Variants in URI1 observed in about 807,000 individuals in gnomAD.
URI1 encodes URI1 prefoldin like chaperone.
A neutral mutation model predicts 60.2 loss-of-function variants in URI1; 39 were observed. The observed-to-expected ratio is 0.65, with a 90% confidence interval of 0.50 to 0.85. URI1 has a LOEUF of 0.85. Ranked by LOEUF, URI1 falls within the 40% of genes least tolerant of loss-of-function variation. The probability of loss-of-function intolerance (pLI) is 0.00; values close to 1 mark genes in which losing one functional copy is unlikely to be tolerated. For synonymous variants in URI1, 251 were observed against 236.8 expected (o/e 1.06, Z -0.55); for missense variants, 691 against 665.9 (o/e 1.04, Z -0.42).
intron 2 of URI1, among the ~76,000 whole-genome samples, chr19:29,982,615 ACCAGTCAGT>A (rs1413122787): frequency 2.0e-5 from 3 of 152,170 alleles, no homozygotes; most frequent in African/African-American, 7.2e-5. Flanking sequence ...TAGGCACTGT[ACCAGTCAGT>A]CCTATGGAGA....
At chr19:30,013,714 T>C (rs1193884702) in intron 10 of URI1, among the ~76,000 whole-genome samples, 2 of 152,138 alleles carry the variant, frequency 1.3e-5, no homozygotes, top group South Asian at 2.1e-4. Flanking sequence ...TTGGAAGATA[T>C]CCTTTTCAGT....
At chr19:29,949,517 G>A (rs2055150575) in intron 1 of URI1, among the ~76,000 whole-genome samples, 1 of 152,252 alleles carries the variant, frequency 6.6e-6, no homozygotes, top group African/African-American at 2.4e-5. Context: ...TGGTGGCTGG[G>A]CAGAGGCTGC....
intron 4 of URI1, among the ~76,000 whole-genome samples, chr19:30,001,847 T>G (rs2055882629): frequency 2.0e-5 from 3 of 152,032 alleles, no homozygotes; most frequent in Non-Finnish European, 4.4e-5. Context: ...TAAAAATTTC[T>G]TAGTTGTTAC....
At chr19:29,934,767 G>C (rs1294079455) in intron 1 of URI1, among the ~76,000 whole-genome samples, 2 of 151,060 alleles carry the variant, frequency 1.3e-5, no homozygotes, top group Non-Finnish European at 2.9e-5. Flanking sequence ...ATGTTGCTCA[G>C]GATAGTCTTG....
At chr19:29,969,185 G>T (rs969013082) in intron 1 of URI1, among the ~76,000 whole-genome samples, 19 of 152,142 alleles carry the variant, frequency 1.2e-4, no homozygotes, top group African/African-American at 4.6e-4. Context: ...ACTTTAAAAT[G>T]TAAGGCAGCA....
intron 1 of URI1, among the ~76,000 whole-genome samples, chr19:29,944,868 T>C (rs1167996856): frequency 6.6e-6 from 1 of 152,200 alleles, no homozygotes; most frequent in Non-Finnish European, 1.5e-5. Context: ...AATTATAGTG[T>C]AGTACAGGAA....
Position 30,001,518 on chromosome 19 carries a change from C to G in URI1, c.368-3843C>G, listed in dbSNP as rs190463192. Reference sequence around the variant, plus strand: ...TTCCCTACCATCTCTACAAACCACTCTAAGCTGTGAATCTTTTGTTTAAGC... The same window carrying G: ...TTCCCTACCATCTCTACAAACCACTGTAAGCTGTGAATCTTTTGTTTAAGC... On this transcript the variant is annotated intron_variant, in intron 4 of 10. Transcript: ENST00000392271. 1.2e-3 allele frequency among the ~76,000 whole-genome samples: 182 copies of G among 151,938 alleles called. 5 individuals are homozygous for G. The highest frequency in any genetic ancestry group is 0.012 in the Admixed American group (180 of 15,234).
intron 4 of URI1, among the ~76,000 whole-genome samples, chr19:29,989,769 GT>G (rs35380622): frequency 0.91 from 134,731 of 147,752 alleles, 61,470 homozygotes; most frequent in South Asian, 0.93. Flanking sequence ...CGTTTTGAGA[GT>G]TTTTTTTTTT....
At chr19:29,989,930 G>A (rs1003493735) in intron 4 of URI1, among the ~76,000 whole-genome samples, 6 of 152,042 alleles carry the variant, frequency 3.9e-5, no homozygotes, top group Admixed American at 3.9e-4. Flanking sequence ...TGGATCATAT[G>A]TGTGGTGTCA....
At chr19:29,939,208 C>T (rs569034769), upstream of URI1, among the ~76,000 whole-genome samples, 4 of 151,302 alleles carry the variant, frequency 2.6e-5, no homozygotes, top group East Asian at 5.8e-4. Flanking sequence ...AACTCCCGAC[C>T]TGAGGTGATT....
intron 4 of URI1, among the ~76,000 whole-genome samples, chr19:29,996,468 A>G (rs894887970): frequency 3.4e-5 from 5 of 147,666 alleles, no homozygotes; most frequent in Admixed American, 6.8e-5. Context: ...TATTAGCTTT[A>G]CAAGGGTGTT....
At chr19:30,003,715 A>G (rs576063883) in intron 4 of URI1, among the ~76,000 whole-genome samples, 1 of 152,156 alleles carries the variant, frequency 6.6e-6, no homozygotes, top group South Asian at 2.1e-4. Flanking sequence ...TGACAACCCA[A>G]GGCTTTCACT....
intron 1 of URI1, among the ~76,000 whole-genome samples, chr19:29,949,292 C>CT: frequency 6.6e-6 from 1 of 151,152 alleles, no homozygotes; most frequent in Non-Finnish European, 1.5e-5. Context: ...CGGGCAGAGG[C>CT]GCTCCCCACA....
At chr19:30,007,024 G>T (rs1373953738) in intron 6 of URI1, among the ~76,000 whole-genome samples, 2 of 152,030 alleles carry the variant, frequency 1.3e-5, no homozygotes, top group Admixed American at 6.6e-5. Context: ...CAAGGCTTTT[G>T]CACGTTACTG....
At position 30,009,213 on chromosome 19, in the gene URI1, GA is replaced by G. The variant is rs1555747477; in HGVS notation, c.896del (p.Asp299ValfsTer27). On this transcript the variant is annotated frameshift_variant, in exon 8 of 11. Transcript: ENST00000392271. LOFTEE classifies it high-confidence loss of function. The part of the protein sequence containing the change: ...SVNGSSSYHS[D>X]DDDDDDDDDD... ...GAATGGTTCCAGTTCTTACCACAGT[GA>G]TGATGATGATGATGATGATGATGAC... The G allele has an allele frequency of 8.8e-5, 3 of 33,950 alleles. No individual in the cohort carries two copies. The highest frequency in any genetic ancestry group is 1.6e-4 in the African/African-American group (2 of 12,150). 2.1% of individuals were successfully genotyped at this position (33,950 alleles called of 1,614,324 possible).
chr19:29,947,233 A>G (rs1568409882), intron 1 of URI1, among the ~76,000 whole-genome samples: 1 of 152,244 alleles, frequency 6.6e-6, no homozygotes, highest in African/African-American at 2.4e-5. Flanking sequence ...ATCTTAAATT[A>G]TATCCATTTG....
chr19:29,987,790 T>G (rs2055690657), intron 4 of URI1, among the ~76,000 whole-genome samples: 1 of 152,218 alleles, frequency 6.6e-6, no homozygotes, highest in Non-Finnish European at 1.5e-5. Context: ...TAGTTAAATA[T>G]GGTTTTGGAA....
intron 1 of URI1, among the ~76,000 whole-genome samples, chr19:29,948,504 ATTTG>A (rs933481642): frequency 2.0e-5 from 3 of 152,184 alleles, no homozygotes; most frequent in Admixed American, 6.5e-5. Context: ...AAAAGAGTAT[ATTTG>A]TTCTGTAAGT....
intron 1 of URI1, among the ~76,000 whole-genome samples, chr19:29,935,637 G>A (rs772989773): frequency 1.3e-5 from 2 of 149,418 alleles, no homozygotes; most frequent in Non-Finnish European, 3.0e-5. Flanking sequence ...ATCTGAAAAT[G>A]TCTTAATTTC....
Sources: gnomAD v4.1 joint callset for allele counts (sites outside exome capture counted in the v4.1 genomes callset) on GRCh38, gnomAD v4.1.1 for gene constraint, MANE v1.5 for transcripts, NCBI Gene and HGNC (gene_info 2026-07-23, HGNC 2026-07-21) for gene names.